Variants in ASS1 observed in about 807,000 individuals in gnomAD.
The protein encoded by ASS1 is argininosuccinate synthase 1, also known as argininosuccinate synthase.
In ASS1, 58 loss-of-function variants were observed where a neutral mutation model predicts 60.5. That is an observed-to-expected ratio of 0.96 (90% CI 0.78 to 1.19). The LOEUF is 1.19. ASS1 is among the 50% of genes most tolerant of loss of function. The pLI, the probability that ASS1 is intolerant of heterozygous loss-of-function variation, is 0.00. For missense variants in ASS1, 454 were observed against 547.3 expected (o/e 0.83, Z 1.70); for synonymous variants, 200 against 206.9 (o/e 0.97, Z 0.29).
chr9:130,470,902 C>T lies in ASS1; in HGVS notation c.564C>T (p.Ile188=), dbSNP rs2297599. 3.7e-4 allele frequency: 595 copies of T among 1,614,004 alleles called. 7 individuals carry two copies. In the East Asian group the frequency reaches 0.013, roughly 36 times the overall value. Residue 188 remains isoleucine, a splice_region_variant and synonymous_variant, in exon 7 of 15, where the codon ATC becomes ATT. Transcript: ENST00000352480. This position sits in a 1 kb window ranked among gnomAD's most constrained non-coding sequence, Gnocchi z 4.3. ...GCATGGATGAGAACCTCATGCACAT[C>T]AGGTAAATCCCACCCTCCACCCATC... The part of the protein sequence containing the change: ...PWSMDENLMH[I]SYEAGILENP...
chr9:130,465,719 C>T (rs548778863), intron 5 of ASS1, among the ~76,000 whole-genome samples: 1 of 152,360 alleles, frequency 6.6e-6, no homozygotes, highest in South Asian at 2.1e-4. Context: ...GTCCCTTTAA[C>T]CAGCTGGTAG....
At chr9:130,458,884 A>G (rs1336029964) in intron 4 of ASS1, among the ~76,000 whole-genome samples, 1 of 152,206 alleles carries the variant, frequency 6.6e-6, no homozygotes, top group Non-Finnish European at 1.5e-5. Context: ...CCAAGGTCGC[A>G]TTGGCCAAGG....
At chr9:130,474,859 T>C (rs1392435656) in intron 8 of ASS1, among the ~76,000 whole-genome samples, 1 of 152,224 alleles carries the variant, frequency 6.6e-6, no homozygotes, top group Non-Finnish European at 1.5e-5. Flanking sequence ...TGGCTTTCCC[T>C]GTGGTCCATA....
chr9:130,466,106 C>T (rs895844928), intron 5 of ASS1, among the ~76,000 whole-genome samples: 2 of 152,216 alleles, frequency 1.3e-5, no homozygotes, highest in Admixed American at 1.3e-4. Context: ...ACATCTCCAC[C>T]CCCACACACA....
At chr9:130,469,826 C>T (rs563951421) in intron 6 of ASS1, among the ~76,000 whole-genome samples, 16 of 152,290 alleles carry the variant, frequency 1.1e-4, no homozygotes, top group Non-Finnish European at 7.4e-5. Context: ...TGAGTGGGGT[C>T]GATCCCATCA....
intron 13 of ASS1, among the ~76,000 whole-genome samples, chr9:130,495,623 T>C (rs942590151): frequency 2.0e-5 from 3 of 151,776 alleles, no homozygotes; most frequent in Non-Finnish European, 4.4e-5. Flanking sequence ...GGGAAGGAGC[T>C]GAAGCTAGAT....
At position 130,495,472 on chromosome 9, in the gene ASS1, T is replaced by TACAC. The variant is rs71499245; in HGVS notation, c.1127+475_1127+478dup. Among the ~76,000 whole-genome samples, 1,013 of 146,850 alleles carry TACAC rather than the reference T, an allele frequency of 6.9e-3. 8 individuals are homozygous for TACAC. Among genetic ancestry groups the TACAC allele is most frequent in the East Asian group, 0.011 (54 of 4,982 alleles). On this transcript the variant is annotated intron_variant, in intron 13 of 14. Transcript: ENST00000352480. ...ATATATATATATATACACATACATA[T>TACAC]ACACACACACACACACACACACACA...
chr9:130,476,407 G>A lies in ASS1; in HGVS notation c.598-464G>A, dbSNP rs1328666227. The A allele has an allele frequency of 2.9e-5, 6 of 206,042 alleles. No individual in the cohort carries two copies. The highest frequency in any genetic ancestry group is 5.3e-5 in the Admixed American group (1 of 18,990). The allele number at this position is 206,042 out of a possible 1,614,324, so 12.8% of individuals were successfully genotyped here. On this transcript the variant is annotated intron_variant, in intron 8 of 14. Transcript: ENST00000352480. The surrounding 1 kb of genome is among the most constrained non-coding windows in gnomAD (Gnocchi z 4.9). Reference sequence around the variant, plus strand: ...TTCTCCCTGTGAGTATTAACCTTGGGGACCCTGGGGACGGCTCGGCTTGCC... The same window carrying A: ...TTCTCCCTGTGAGTATTAACCTTGGAGACCCTGGGGACGGCTCGGCTTGCC...
intron 5 of ASS1, among the ~76,000 whole-genome samples, chr9:130,465,775 G>C (rs1845725117): frequency 6.6e-6 from 1 of 152,254 alleles, no homozygotes; most frequent in Admixed American, 6.5e-5. Context: ...GAGCTCTAAT[G>C]ATCTGTTTTG....
rs561473822 is a variant in ASS1, at chr9:130,459,829, A to T, written c.363+1240A>T. 7.2e-4 allele frequency among the ~76,000 whole-genome samples: 110 copies of T among 152,252 alleles called. No homozygotes were observed. Among genetic ancestry groups the T allele is most frequent in the African/African-American group, 2.4e-3 (100 of 41,540 alleles). On this transcript the variant is annotated intron_variant, in intron 4 of 14. Coordinates refer to ENST00000352480, the MANE Select transcript of ASS1 (RefSeq NM_054012.4). This position sits in a 1 kb window ranked among gnomAD's most constrained non-coding sequence, Gnocchi z 4.6. Reference sequence around the variant, plus strand: ...CATTATTTTGTGGAAACACAAATCAACCCATCCCGTACCCCTTCCCTCCGG... The same window carrying T: ...CATTATTTTGTGGAAACACAAATCATCCCATCCCGTACCCCTTCCCTCCGG...
Position 130,477,056 on chromosome 9 carries a change from C to A in ASS1, c.688+95C>A. 7.7e-7 allele frequency: 1 copy of A among 1,302,888 alleles called. No homozygotes were observed. Among genetic ancestry groups the A allele is most frequent in the Non-Finnish European group, 1.1e-6 (1 of 907,654 alleles). The allele number at this position is 1,302,888 out of a possible 1,614,324, so 80.7% of individuals were successfully genotyped here. On this transcript the variant is annotated intron_variant, in intron 9 of 14. Coordinates refer to ENST00000352480, the MANE Select transcript of ASS1 (RefSeq NM_054012.4). The surrounding 1 kb of genome is among the most constrained non-coding windows in gnomAD (Gnocchi z 4.2). ...CTGGGAACCTAGGCCCTCTTTACCCCCGCCCTGCATTCCTGGAAGCTAGAG... is the reference window on the plus strand; with the variant it reads ...CTGGGAACCTAGGCCCTCTTTACCCACGCCCTGCATTCCTGGAAGCTAGAG...
chr9:130,477,068 C>T lies in ASS1; in HGVS notation c.688+107C>T. The T allele has an allele frequency of 5.8e-6, 7 of 1,207,014 alleles. No individual in the cohort carries two copies. The highest frequency in any genetic ancestry group is 8.5e-6 in the Non-Finnish European group (7 of 827,494). 74.8% of individuals were successfully genotyped at this position (1,207,014 alleles called of 1,614,324 possible). A position where few individuals can be genotyped will look rare whatever the true frequency, so the allele number is the denominator to read the frequency against. ...GCCCTCTTTACCCCCGCCCTGCATT[C>T]CTGGAAGCTAGAGTTCAGGCAGGGG... On this transcript the variant is annotated intron_variant, in intron 9 of 14. Transcript: ENST00000352480. This position sits in a 1 kb window ranked among gnomAD's most constrained non-coding sequence, Gnocchi z 4.2.
At chr9:130,484,883 C>T (rs1283236389) in intron 11 of ASS1, among the ~76,000 whole-genome samples, 2 of 152,158 alleles carry the variant, frequency 1.3e-5, no homozygotes, top group African/African-American at 4.8e-5. Context: ...TGATCCGTCA[C>T]AATTAACACT....
chr9:130,472,922 G>GC (rs559930305), intron 8 of ASS1, among the ~76,000 whole-genome samples: 23 of 152,254 alleles, frequency 1.5e-4, no homozygotes, highest in South Asian at 8.3e-4. Context: ...CAGAGAGGAG[G>GC]CCCCCCCAGA....
intron 6 of ASS1, among the ~76,000 whole-genome samples, chr9:130,468,009 CT>C (rs768742060): frequency 5.9e-5 from 9 of 152,198 alleles, no homozygotes; most frequent in Non-Finnish European, 1.2e-4. Flanking sequence ...CCCAAATAAC[CT>C]TTTGAGCCGG....
rs144799345 is a variant in ASS1, at chr9:130,468,925, G to A, written c.496-1909G>A. ...ATGAGAGTGTGAGGGGAGGCACCTC[G>A]GGACCGAGAGAGGCTGGGAAACACA... On this transcript the variant is annotated intron_variant, in intron 6 of 14. Coordinates refer to ENST00000352480, the MANE Select transcript of ASS1 (RefSeq NM_054012.4). Among the ~76,000 whole-genome samples, 784 of 152,254 alleles carry A rather than the reference G, an allele frequency of 5.1e-3. 19 individuals carry two copies. The highest frequency in any genetic ancestry group is 2.8e-3 in the Non-Finnish European group (193 of 68,010).
At chr9:130,463,664 A>G (rs1845658006) in intron 4 of ASS1, among the ~76,000 whole-genome samples, 3 of 152,210 alleles carry the variant, frequency 2.0e-5, no homozygotes, top group Admixed American at 2.0e-4. Context: ...CAGAGAGGTG[A>G]CAGGGTTCCC....
Position 130,489,634 on chromosome 9 carries a change from A to T in ASS1, c.970+170A>T, listed in dbSNP as rs1276709480. On this transcript the variant is annotated intron_variant, in intron 12 of 14. Transcript: ENST00000352480. This position sits in a 1 kb window ranked among gnomAD's most constrained non-coding sequence, Gnocchi z 4.1. ...GGTGCAGGCCAAAGGGGGTTGAGGG[A>T]AAGTGCAGGGCATGAGGGAGCAAGG... Among the ~76,000 whole-genome samples the T allele has an allele frequency of 6.6e-6, 1 of 152,186 alleles. No individual in the cohort carries two copies. Among genetic ancestry groups the T allele is most frequent in the African/African-American group, 2.4e-5 (1 of 41,448 alleles).
intron 13 of ASS1, among the ~76,000 whole-genome samples, chr9:130,498,444 G>T (rs938441403): frequency 2.0e-5 from 3 of 152,204 alleles, no homozygotes; most frequent in African/African-American, 7.2e-5. Context: ...CATAATTAAT[G>T]AAGGCAATGG....
Sources: gnomAD v4.1 joint callset for allele counts (sites outside exome capture counted in the v4.1 genomes callset) on GRCh38, gnomAD v4.1.1 for gene constraint, Gnocchi (gnomAD v3.1) non-coding constraint, MANE v1.5 for transcripts, NCBI Gene and HGNC (gene_info 2026-07-23, HGNC 2026-07-21) for gene names.